Variants in PRKCH observed in about 807,000 individuals in gnomAD.
PRKCH encodes the protein protein kinase C eta type.
PRKCH carries 28 observed loss-of-function variants against 82.5 expected under a neutral mutation model. The ratio of observed to expected loss-of-function variants is 0.34; its 90% CI spans 0.25 to 0.47. The LOEUF (loss-of-function observed/expected upper bound fraction) is 0.47. Among genes scored for constraint, PRKCH ranks in the 20% least tolerant of loss-of-function variants. The pLI is 1.00. For synonymous variants in PRKCH, 322 were observed against 327.4 expected (o/e 0.98, Z 0.18); for missense variants, 705 against 881.8 (o/e 0.80, Z 2.54).
intron 1 of PRKCH, among the ~76,000 whole-genome samples, chr14:61,390,003 C>G (rs534824285): frequency 6.6e-6 from 1 of 151,760 alleles, no homozygotes; most frequent in Non-Finnish European, 1.5e-5. Context: ...GAGCCACAGC[C>G]AAAGAAAGAG....
At chr14:61,519,353 A>G (rs914827337) in intron 10 of PRKCH, among the ~76,000 whole-genome samples, 2 of 151,932 alleles carry the variant, frequency 1.3e-5, no homozygotes, top group African/African-American at 2.4e-5. Flanking sequence ...GGGTCTCACT[A>G]TGTTGCCTGG....
At chr14:61,350,723 G>T (rs1357950157) in intron 1 of PRKCH, among the ~76,000 whole-genome samples, 5 of 152,168 alleles carry the variant, frequency 3.3e-5, no homozygotes, top group African/African-American at 4.8e-5. Context: ...GGCAGGATCG[G>T]TGCATGTAGA....
intron 9 of PRKCH, among the ~76,000 whole-genome samples, chr14:61,484,291 CTTTTTT>C (rs71449556): frequency 0.023 from 2,018 of 86,398 alleles, 63 homozygotes; most frequent in African/African-American, 0.083. Context: ...GCTTGTGTCA[CTTTTTT>C]TTTTTTTTTT....
chr14:61,374,281 G>A (rs111262763), intron 1 of PRKCH, among the ~76,000 whole-genome samples: 12 of 152,262 alleles, frequency 7.9e-5, no homozygotes, highest in Admixed American at 2.6e-4. Flanking sequence ...GACTGCTTTC[G>A]TGGCGTTGAG....
At chr14:61,224,620 A>G (rs1014805454) in intron 1 of PRKCH, among the ~76,000 whole-genome samples, 2 of 152,126 alleles carry the variant, frequency 1.3e-5, no homozygotes, top group Non-Finnish European at 2.9e-5. Context: ...GACTGGGGTT[A>G]TGGATTTGGT....
intron 2 of PRKCH, among the ~76,000 whole-genome samples, chr14:61,402,127 T>A (rs1881655214): frequency 6.6e-6 from 1 of 152,236 alleles, no homozygotes; most frequent in African/African-American, 2.4e-5. Flanking sequence ...TTGTAATTTT[T>A]AAAAATTGTG....
At chr14:61,456,620 G>A (rs1884777409) in intron 7 of PRKCH, among the ~76,000 whole-genome samples, 1 of 152,100 alleles carries the variant, frequency 6.6e-6, no homozygotes, top group Admixed American at 6.5e-5. Flanking sequence ...AGATATCTTT[G>A]GCAGAGGGCT....
chr14:61,449,302 C>T (rs1884375107), intron 5 of PRKCH, 50 bp downstream of exon 5: 1 of 1,474,386 alleles, frequency 6.8e-7, no homozygotes, highest in African/African-American at 1.4e-5. Context: ...ATTGTGTATG[C>T]TGTGTACCGC....
chr14:61,541,908 T>G (rs2043191373), intron 12 of PRKCH, among the ~76,000 whole-genome samples: 1 of 152,240 alleles, frequency 6.6e-6, no homozygotes, highest in South Asian at 2.1e-4. Context: ...GACACCAGAT[T>G]TGCAAAGAAG....
chr14:61,272,034 G>A (rs1454162155), intron 1 of PRKCH, among the ~76,000 whole-genome samples: 1 of 151,998 alleles, frequency 6.6e-6, no homozygotes, highest in African/African-American at 2.4e-5. Flanking sequence ...GACCATCCTG[G>A]TTAACACGGT....
At chr14:61,471,455 A>G (rs954211045) in intron 9 of PRKCH, among the ~76,000 whole-genome samples, 7 of 152,118 alleles carry the variant, frequency 4.6e-5, no homozygotes, top group South Asian at 2.1e-4. Context: ...GCCAATCGCA[A>G]TTAAAACACC....
chr14:61,474,299 A>G (rs990815108), intron 9 of PRKCH, among the ~76,000 whole-genome samples: 7 of 152,224 alleles, frequency 4.6e-5, no homozygotes, highest in Non-Finnish European at 8.8e-5. Flanking sequence ...CAAAGTTAAC[A>G]CAATGTGCTT....
At chr14:61,482,786 A>G (rs1280925058) in intron 9 of PRKCH, among the ~76,000 whole-genome samples, 1 of 152,206 alleles carries the variant, frequency 6.6e-6, no homozygotes, top group African/African-American at 2.4e-5. Flanking sequence ...TTATCTGAGA[A>G]TCTGCCTCCA....
rs1594806922 is a variant in PRKCH, at chr14:61,550,746, C to T, written c.*915C>T. The T allele has an allele frequency of 1.3e-5, 2 of 152,268 alleles. No homozygotes were observed. Among genetic ancestry groups the T allele is most frequent in the South Asian group, 2.1e-4 (1 of 4,820 alleles). The allele number at this position is 152,268 out of a possible 1,614,324, so 9.4% of individuals were successfully genotyped here. On this transcript the variant is annotated 3_prime_UTR_variant, in exon 14 of 14. Transcript: ENST00000332981. ...GATCTTGTCTGTATCGCCGTGTGCT[C>T]ATCACTGAAGAATTGCAGGCCACTC...
At chr14:61,524,773 C>CT (rs2042946328) in intron 10 of PRKCH, among the ~76,000 whole-genome samples, 2 of 152,314 alleles carry the variant, frequency 1.3e-5, no homozygotes, top group Admixed American at 1.3e-4. Flanking sequence ...GATAAGTGTT[C>CT]TGCTTGGTCC....
intron 1 of PRKCH, among the ~76,000 whole-genome samples, chr14:61,260,754 TAA>T (rs1285903812): frequency 6.6e-6 from 1 of 152,120 alleles, no homozygotes; most frequent in Non-Finnish European, 1.5e-5. Context: ...GCTTTGTGAG[TAA>T]AACCACAAAT....
At chr14:61,195,182 C>T (rs1393184139) in intron 1 of PRKCH, among the ~76,000 whole-genome samples, 1 of 140,908 alleles carries the variant, frequency 7.1e-6, no homozygotes, top group African/African-American at 2.5e-5. Context: ...ATATCTTTTA[C>T]ATAGATATCC....
chr14:61,514,788 T>C (rs2042799368), intron 10 of PRKCH, among the ~76,000 whole-genome samples: 1 of 152,180 alleles, frequency 6.6e-6, no homozygotes, highest in African/African-American at 2.4e-5. Context: ...ACGAAGGCAA[T>C]GAGTCTCCTC....
intron 1 of PRKCH, among the ~76,000 whole-genome samples, chr14:61,248,688 A>C (rs1316706427): frequency 6.6e-6 from 1 of 152,166 alleles, no homozygotes; most frequent in East Asian, 1.9e-4. Flanking sequence ...TGCAATGCAA[A>C]TATTTTCTTT....
Sources: gnomAD v4.1 joint callset for allele counts (sites outside exome capture counted in the v4.1 genomes callset) on GRCh38, gnomAD v4.1.1 for gene constraint, MANE v1.5 for transcripts, NCBI Gene and HGNC (gene_info 2026-07-23, HGNC 2026-07-21) for gene names.